PPP1CB: variants seen among roughly 807,000 people sequenced by gnomAD.
PPP1CB encodes protein phosphatase 1 catalytic subunit beta, also known as serine/threonine-protein phosphatase PP1-beta catalytic subunit.
PPP1CB carries 2 observed loss-of-function variants against 43.7 expected under a neutral mutation model. The observed-to-expected ratio is 0.05, with a 90% confidence interval of 0.02 to 0.14. The LOEUF is 0.14. Ranked by LOEUF, PPP1CB falls within the 10% of genes least tolerant of loss-of-function variation. The pLI is 1.00. For synonymous variants in PPP1CB, 136 were observed against 135.6 expected (o/e 1.00, Z -0.02); for missense variants, 84 against 398.0 (o/e 0.21, Z 6.71).
chr2:28,795,409 G>A (rs142232957), intron 7 of PPP1CB, among the ~76,000 whole-genome samples: 105 of 152,212 alleles, frequency 6.9e-4, no homozygotes, highest in African/African-American at 2.3e-3. Flanking sequence ...TGCTTTCCAC[G>A]GTGGCTGAAC....
intron 1 of PPP1CB, among the ~76,000 whole-genome samples, chr2:28,771,647 A>G (rs1336065472): frequency 1.3e-5 from 2 of 152,186 alleles, no homozygotes; most frequent in Non-Finnish European, 2.9e-5. Flanking sequence ...GATGATCTTT[A>G]TGATAAATGG....
chr2:28,798,581 A>C (rs904309072), intron 7 of PPP1CB, among the ~76,000 whole-genome samples: 11 of 152,110 alleles, frequency 7.2e-5, no homozygotes, highest in African/African-American at 2.7e-4. Context: ...GAAGCCAGTC[A>C]CAAAAGACCA....
chr2:28,784,917 CAAAAAAAAA>C (rs869155670), intron 5 of PPP1CB, among the ~76,000 whole-genome samples: 1 of 79,088 alleles, frequency 1.3e-5, no homozygotes, highest in Non-Finnish European at 2.3e-5. Flanking sequence ...GAAACTGTCT[CAAAAAAAAA>C]AAAAAAAAGA....
chr2:28,790,156 TG>T (rs1344383648), intron 6 of PPP1CB, among the ~76,000 whole-genome samples: 5 of 151,944 alleles, frequency 3.3e-5, no homozygotes. Context: ...GGTGTGCACC[TG>T]TAGTCCCAGC....
At chr2:28,791,177 C>G (rs552277696) in intron 6 of PPP1CB, among the ~76,000 whole-genome samples, 3 of 152,198 alleles carry the variant, frequency 2.0e-5, no homozygotes, top group African/African-American at 7.2e-5. Flanking sequence ...CTGCCTCTTT[C>G]TTTGATCCTA....
intron 1 of PPP1CB, among the ~76,000 whole-genome samples, chr2:28,774,617 G>C (rs1326239834): frequency 6.6e-6 from 1 of 152,082 alleles, no homozygotes; most frequent in East Asian, 1.9e-4. Context: ...GTAAAGACAG[G>C]GTTTCACCAC....
Position 28,788,594 on chromosome 2 carries a change from G to T in PPP1CB, c.593-64G>T, listed in dbSNP as rs1054829787. On this transcript the variant is annotated intron_variant, in intron 5 of 7. Coordinates refer to ENST00000395366, the MANE Select transcript of PPP1CB (RefSeq NM_002709.3). ...AAGAAAGGAACTGAAATTTGATGTA[G>T]ATGTGCTATATTCTATAAATCTGTA... 1.4e-5 allele frequency: 21 copies of T among 1,509,096 alleles called. No homozygotes were observed. In the African/African-American group the frequency reaches 2.8e-4, roughly 20 times the overall value. 93.5% of individuals were successfully genotyped at this position (1,509,096 alleles called of 1,614,324 possible). A position where few individuals can be genotyped will look rare whatever the true frequency, so the allele number is the denominator to read the frequency against.
Position 28,752,054 on chromosome 2 carries a change from C to A in PPP1CB, c.-71C>A. 6.9e-7 allele frequency: 1 copy of A among 1,439,124 alleles called. No homozygotes were observed. Among genetic ancestry groups the A allele is most frequent in the Non-Finnish European group, 9.6e-7 (1 of 1,045,768 alleles). 89.1% of individuals were successfully genotyped at this position (1,439,124 alleles called of 1,614,324 possible). ...GACTTGTAGGTGAGAGAACGCCGAG[C>A]CGTCGCCGCAGCCTCCGCCGCCGAG... On this transcript the variant is annotated 5_prime_UTR_variant, in exon 1 of 8. Transcript: ENST00000395366.
At chr2:28,765,898 C>T (rs1335431806) in intron 1 of PPP1CB, among the ~76,000 whole-genome samples, 2 of 152,088 alleles carry the variant, frequency 1.3e-5, no homozygotes, top group African/African-American at 4.8e-5. Flanking sequence ...AAAGCAAGAC[C>T]ACATCTCAAA....
intron 6 of PPP1CB, among the ~76,000 whole-genome samples, chr2:28,790,427 C>T (rs1196671561): frequency 6.6e-6 from 1 of 152,146 alleles, no homozygotes; most frequent in Non-Finnish European, 1.5e-5. Flanking sequence ...GCAACTTCCG[C>T]CTCCCAGGTT....
chr2:28,776,768 T>C (rs917697154), intron 1 of PPP1CB, 83 bp from the exon 2 acceptor site: 4 of 1,353,668 alleles, frequency 3.0e-6, no homozygotes, highest in Middle Eastern at 1.9e-4. Flanking sequence ...TTTTCTGATT[T>C]TTAAAGTATG....
intron 5 of PPP1CB, among the ~76,000 whole-genome samples, chr2:28,784,442 G>A (rs970644168): frequency 1.1e-4 from 16 of 151,742 alleles, no homozygotes; most frequent in Admixed American, 3.3e-4. Flanking sequence ...TTTTTTCAAG[G>A]GGGTGTGGGA....
intron 1 of PPP1CB, among the ~76,000 whole-genome samples, chr2:28,760,528 C>T (rs1186608699): frequency 2.6e-5 from 4 of 152,162 alleles, no homozygotes; most frequent in African/African-American, 9.7e-5. Context: ...TGTGTAAGTC[C>T]ACTCTGTGAT....
At chr2:28,783,330 T>G (rs1234701413) in intron 4 of PPP1CB, among the ~76,000 whole-genome samples, 1 of 149,600 alleles carries the variant, frequency 6.7e-6, no homozygotes, top group Non-Finnish European at 1.5e-5. Context: ...AGAATGGTAG[T>G]TTTTTTTTTC....
In PPP1CB at chr2:28,788,641, A is replaced by G. The variant is rs200826100; in HGVS notation, c.593-17A>G. On this transcript the variant is annotated splice_polypyrimidine_tract_variant and intron_variant, in intron 5 of 7. Transcript: ENST00000395366. ...TGTAAATTTTGTTCTTAATTGCTGTATTTCTGTCCTTTAAAGGTTTGCTCT... is the reference window on the plus strand; with the variant it reads ...TGTAAATTTTGTTCTTAATTGCTGTGTTTCTGTCCTTTAAAGGTTTGCTCT... 1.5e-5 allele frequency: 24 copies of G among 1,608,514 alleles called. No homozygotes were observed. Among genetic ancestry groups the G allele is most frequent in the Middle Eastern group, 1.6e-4 (1 of 6,076 alleles).
At chr2:28,770,964 T>C (rs761070248) in intron 1 of PPP1CB, among the ~76,000 whole-genome samples, 3 of 150,732 alleles carry the variant, frequency 2.0e-5, no homozygotes, top group Non-Finnish European at 2.9e-5. Context: ...AAAGGAGAGA[T>C]ACCATATTTG....
intron 1 of PPP1CB, among the ~76,000 whole-genome samples, chr2:28,771,303 G>A (rs190305225): frequency 4.3e-4 from 65 of 151,968 alleles, no homozygotes; most frequent in African/African-American, 1.5e-3. Flanking sequence ...CACCCACCTC[G>A]GCCTCCCAAA....
chr2:28,790,283 A>G (rs1193580588), intron 6 of PPP1CB, among the ~76,000 whole-genome samples: 1 of 152,152 alleles, frequency 6.6e-6, no homozygotes, highest in African/African-American at 2.4e-5. Flanking sequence ...CTCAGTCTCA[A>G]AAAAAGAGAA....
At position 28,752,191 on chromosome 2, in the gene PPP1CB, G is replaced by T. The variant is rs113766757; in HGVS notation, c.52+15G>T. Reference sequence around the variant, plus strand: ...GCTGCTGGAGGGTGAGTGCGCGCCTGGCCGCGGGACAGAGGGAGGTCGGGC... The same window carrying T: ...GCTGCTGGAGGGTGAGTGCGCGCCTTGCCGCGGGACAGAGGGAGGTCGGGC... On this transcript the variant is annotated intron_variant, in intron 1 of 7. Transcript: ENST00000395366. 1.0e-3 allele frequency: 1,607 copies of T among 1,539,970 alleles called. 23 individuals carry two copies. The African/African-American group carries it at 0.019, about 18-fold the overall frequency.
Sources: gnomAD v4.1 joint callset for allele counts (sites outside exome capture counted in the v4.1 genomes callset) on GRCh38, gnomAD v4.1.1 for gene constraint, MANE v1.5 for transcripts, NCBI Gene and HGNC (gene_info 2026-07-23, HGNC 2026-07-21) for gene names.